Variants in ZNF277 observed in about 807,000 individuals in gnomAD.
ZNF277 encodes the protein zinc finger protein 277.
In ZNF277, 55 loss-of-function variants were observed where a neutral mutation model predicts 60.7. The observed-to-expected ratio is 0.91, with a 90% CI of 0.73 to 1.13. The LOEUF is 1.13. ZNF277 is among the 50% of genes most tolerant of loss of function. The pLI is 0.00. For missense variants in ZNF277, 510 were observed against 523.0 expected (o/e 0.98, Z 0.24); for synonymous variants, 178 against 179.3 (o/e 0.99, Z 0.06).
In ZNF277 at chr7:112,340,917, G is replaced by A; in HGVS notation, c.1055G>A (p.Arg352Lys). Reference protein sequence around the residue: ...QQVKLVNFIRRQVHQCRCYGC... With the variant: ...QQVKLVNFIRKQVHQCRCYGC... ...GTGAAACTGGTCAATTTTATTCGGA[G>A]GCAAGTTCACCAATGCAGATGTTAT... The change falls in exon 11 of 12, where the codon AGG becomes AAG. Residue 352 changes from arginine (R) to lysine (K), a missense_variant. Transcript: ENST00000361822. 1 of 1,611,144 alleles carries A rather than the reference G, an allele frequency of 6.2e-7. No homozygotes were observed. Among genetic ancestry groups the A allele is most frequent in the East Asian group, 2.2e-5 (1 of 44,798 alleles).
intron 1 of ZNF277, among the ~76,000 whole-genome samples, chr7:112,222,384 A>T (rs1822054235): frequency 6.6e-6 from 1 of 152,104 alleles, no homozygotes; most frequent in Admixed American, 6.5e-5. Flanking sequence ...AGCTGTTCAC[A>T]TTTTCCCTTT....
intron 1 of ZNF277, among the ~76,000 whole-genome samples, chr7:112,254,468 TTG>T (rs756736213): frequency 5.9e-5 from 9 of 152,114 alleles, no homozygotes; most frequent in Non-Finnish European, 1.3e-4. Context: ...CACATCCAGT[TTG>T]TGTGTGTGTC....
rs764040911 is a variant in ZNF277 at position 112,339,877 on chromosome 7, C to T, written c.1001C>T (p.Ser334Leu). 7 of 1,610,530 alleles carry T rather than the reference C, an allele frequency of 4.3e-6. No homozygotes were observed. In the African/African-American group the frequency reaches 9.3e-5, roughly 22 times the overall value. Residue 334 changes from serine (S) to leucine (L), a missense_variant, in exon 10 of 12, where the codon TCA (serine) becomes TTA (leucine). Transcript: ENST00000361822. ...AHEFDLLKIK[S>L]ELGLNFYQQV... ...GAATTTGATCTTCTCAAAATAAAGTCAGAACTTGGTAAGTTTGATTCAGAG... is the reference window on the plus strand; with the variant it reads ...GAATTTGATCTTCTCAAAATAAAGTTAGAACTTGGTAAGTTTGATTCAGAG...
At chr7:112,253,422 C>T (rs1791239586) in intron 1 of ZNF277, among the ~76,000 whole-genome samples, 2 of 152,160 alleles carry the variant, frequency 1.3e-5, no homozygotes, top group Admixed American at 6.5e-5. Context: ...CAATTTCTAA[C>T]GATACTTGCT....
At chr7:112,292,335 G>A (rs1400428919) in intron 2 of ZNF277, among the ~76,000 whole-genome samples, 1 of 152,156 alleles carries the variant, frequency 6.6e-6, no homozygotes, top group African/African-American at 2.4e-5. Flanking sequence ...TTCCAAAACA[G>A]CCCCAAACAG....
chr7:112,209,289 A>T (rs1437058397), intron 1 of ZNF277, among the ~76,000 whole-genome samples: 1 of 152,190 alleles, frequency 6.6e-6, no homozygotes, highest in African/African-American at 2.4e-5. Context: ...AGGTTATGCA[A>T]GTTTAAAATT....
intron 1 of ZNF277, among the ~76,000 whole-genome samples, chr7:112,238,483 A>G (rs1430848362): frequency 6.6e-6 from 1 of 152,162 alleles, no homozygotes; most frequent in Admixed American, 6.5e-5. Context: ...CTAGGCCACA[A>G]GTAGTGTGAT....
chr7:112,217,001 A>G (rs1450581061), intron 1 of ZNF277, among the ~76,000 whole-genome samples: 2 of 152,256 alleles, frequency 1.3e-5, no homozygotes, highest in Non-Finnish European at 2.9e-5. Context: ...AGCTACTGAT[A>G]GAACTGAGGT....
chr7:112,297,379 CT>C (rs1792380389), intron 4 of ZNF277, among the ~76,000 whole-genome samples: 1 of 151,926 alleles, frequency 6.6e-6, no homozygotes, highest in Non-Finnish European at 1.5e-5. Context: ...GTAAGTCTTT[CT>C]TTTATCTTTG....
intron 1 of ZNF277, among the ~76,000 whole-genome samples, chr7:112,236,630 G>C (rs1790797442): frequency 6.6e-6 from 1 of 152,100 alleles, no homozygotes; most frequent in Admixed American, 6.5e-5. Context: ...GAATGATTGT[G>C]AGTGCTATGG....
intron 4 of ZNF277, among the ~76,000 whole-genome samples, chr7:112,311,561 C>T (rs1792733479): frequency 6.6e-6 from 1 of 151,884 alleles, no homozygotes; most frequent in African/African-American, 2.4e-5. Flanking sequence ...CATAAATCCA[C>T]AAAGTAGATG....
intron 1 of ZNF277, among the ~76,000 whole-genome samples, chr7:112,252,613 T>G (rs1791224824): frequency 6.6e-6 from 1 of 152,172 alleles, no homozygotes; most frequent in South Asian, 2.1e-4. Context: ...ACCTGGAATC[T>G]GGGGGCATAC....
chr7:112,265,556 G>A (rs1281513328), intron 1 of ZNF277, among the ~76,000 whole-genome samples: 1 of 152,112 alleles, frequency 6.6e-6, no homozygotes, highest in African/African-American at 2.4e-5. Flanking sequence ...TTGACAGAGA[G>A]ATACAAAGTG....
rs190489294 is a variant in ZNF277 at position 112,313,423 on chromosome 7, C to T, written c.466-4759C>T. 7.6e-4 allele frequency among the ~76,000 whole-genome samples: 115 copies of T among 151,990 alleles called. 1 individual carries two copies. The highest frequency in any genetic ancestry group is 2.9e-3 in the Admixed American group (44 of 15,256). ...GTCAGCCTCCTGGATAGCTGGACTACAGGCACGCACCACCATGCCTGGCCA... is the reference window on the plus strand; with the variant it reads ...GTCAGCCTCCTGGATAGCTGGACTATAGGCACGCACCACCATGCCTGGCCA... On this transcript the variant is annotated intron_variant, in intron 4 of 11. Coordinates refer to ENST00000361822, the MANE Select transcript of ZNF277 (RefSeq NM_021994.3).
intron 1 of ZNF277, among the ~76,000 whole-genome samples, chr7:112,270,393 C>T (rs1349362431): frequency 6.6e-6 from 1 of 152,054 alleles, no homozygotes; most frequent in African/African-American, 2.4e-5. Flanking sequence ...TCCCTATTTG[C>T]TATAAGGAAG....
intron 1 of ZNF277, among the ~76,000 whole-genome samples, chr7:112,261,992 A>G (rs1429160439): frequency 2.6e-5 from 4 of 152,080 alleles, no homozygotes; most frequent in Non-Finnish European, 5.9e-5. Context: ...TCTTCTATTA[A>G]ACATTGATTC....
chr7:112,224,597 G>C (rs1222040230), intron 1 of ZNF277, among the ~76,000 whole-genome samples: 1 of 152,224 alleles, frequency 6.6e-6, no homozygotes, highest in Admixed American at 6.5e-5. Flanking sequence ...TCACCTGGGG[G>C]ATGGCAAGAA....
chr7:112,275,022 G>C (rs1160356415), intron 1 of ZNF277, among the ~76,000 whole-genome samples: 4 of 152,074 alleles, frequency 2.6e-5, no homozygotes, highest in Non-Finnish European at 4.4e-5. Flanking sequence ...TGGCCATCCT[G>C]TTCAGATCAC....
chr7:112,216,676 A>G (rs189962871), intron 1 of ZNF277, among the ~76,000 whole-genome samples: 4 of 152,312 alleles, frequency 2.6e-5, no homozygotes, highest in Admixed American at 2.6e-4. Flanking sequence ...AGGGAGTGAG[A>G]TTATGTTAGC....
Sources: gnomAD v4.1 joint callset for allele counts (sites outside exome capture counted in the v4.1 genomes callset) on GRCh38, gnomAD v4.1.1 for gene constraint, MANE v1.5 for transcripts, NCBI Gene and HGNC (gene_info 2026-07-23, HGNC 2026-07-21) for gene names.